PUM2: variants seen among roughly 807,000 people sequenced by gnomAD.
PUM2 encodes the protein pumilio RNA binding family member 2, also known as pumilio homolog 2.
A neutral mutation model predicts 124.5 loss-of-function variants in PUM2; 57 were observed. That is an observed-to-expected ratio of 0.46 (90% CI 0.37 to 0.57). The LOEUF is 0.57. Among genes scored for constraint, PUM2 ranks in the 20% least tolerant of loss-of-function variants. The probability of loss-of-function intolerance (pLI) is 0.00; values close to 1 mark genes in which losing one functional copy is unlikely to be tolerated. For missense variants in PUM2, 1,065 were observed against 1,290.6 expected (o/e 0.83, Z 2.68); for synonymous variants, 460 against 446.1 (o/e 1.03, Z -0.39).
intron 13 of PUM2, among the ~76,000 whole-genome samples, chr2:20,276,164 C>G (rs1409536930): frequency 1.3e-5 from 2 of 151,876 alleles, no homozygotes; most frequent in Non-Finnish European, 2.9e-5. Context: ...CAAAACTATG[C>G]ACTGAAATTC....
At position 20,255,240 on chromosome 2, in the gene PUM2, G is replaced by A. The variant is rs763894342; in HGVS notation, c.2724C>T (p.His908=). Reference sequence around the variant, plus strand: ...CCTGTACCAACTGCTCTGTATGTTGGTGGAGTTCTTCTAAGATAGGTAAGG... The same window carrying A: ...CCTGTACCAACTGCTCTGTATGTTGATGGAGTTCTTCTAAGATAGGTAAGG... The part of the protein sequence containing the change: ...EQTLPILEEL[H]QHTEQLVQDQ... Residue 908 remains histidine (H), a synonymous_variant, in exon 18 of 21, where the codon CAC becomes CAT. Transcript: ENST00000361078. 1.2e-6 allele frequency: 2 copies of A among 1,602,092 alleles called. No individual in the cohort carries two copies. The highest frequency in any genetic ancestry group is 1.7e-6 in the Non-Finnish European group (2 of 1,169,294).
intron 10 of PUM2, among the ~76,000 whole-genome samples, chr2:20,289,380 T>C (rs186879640): frequency 1.3e-5 from 2 of 152,298 alleles, no homozygotes; most frequent in African/African-American, 4.8e-5. Flanking sequence ...ATAGTCTCAG[T>C]GGCCCTCAAA....
chr2:20,307,159 T>C (rs950834198), intron 7 of PUM2, among the ~76,000 whole-genome samples: 1 of 152,012 alleles, frequency 6.6e-6, no homozygotes, highest in African/African-American at 2.4e-5. Context: ...GAGGCTGAAG[T>C]GAGCCGAGAT....
chr2:20,280,554 G>A (rs1347261863), intron 12 of PUM2, among the ~76,000 whole-genome samples: 1 of 152,112 alleles, frequency 6.6e-6, no homozygotes, highest in Non-Finnish European at 1.5e-5. Flanking sequence ...GCTCTAATAA[G>A]AGCAGCATTA....
chr2:20,322,585 T>C (rs1239827125), intron 2 of PUM2, among the ~76,000 whole-genome samples: 4 of 152,010 alleles, frequency 2.6e-5, no homozygotes, highest in Non-Finnish European at 5.9e-5. Flanking sequence ...GGCAGACTGC[T>C]TGAGCTCAGG....
chr2:20,327,059 T>C (rs1403562679), intron 2 of PUM2, among the ~76,000 whole-genome samples: 1 of 151,964 alleles, frequency 6.6e-6, no homozygotes, highest in African/African-American at 2.4e-5. Flanking sequence ...TACCAAAATA[T>C]AAGAAATTAT....
At chr2:20,336,244 T>C (rs921885850) in intron 1 of PUM2, among the ~76,000 whole-genome samples, 4 of 152,064 alleles carry the variant, frequency 2.6e-5, no homozygotes, top group African/African-American at 4.8e-5. Flanking sequence ...TGGAGTGCAG[T>C]GGCATTGATT....
chr2:20,317,438 C>G (rs897139468), intron 3 of PUM2, among the ~76,000 whole-genome samples: 2 of 152,244 alleles, frequency 1.3e-5, no homozygotes, highest in African/African-American at 2.4e-5. Context: ...TAAAGCTAGG[C>G]TGAGCTGCAA....
At position 20,350,618 on chromosome 2, in the gene PUM2, C is replaced by T; in HGVS notation, c.-40G>A. 1 of 985,474 alleles carries T rather than the reference C, an allele frequency of 1.0e-6. No homozygotes were observed. Among genetic ancestry groups the T allele is most frequent in the Non-Finnish European group, 1.2e-6 (1 of 829,996 alleles). The allele number at this position is 985,474 out of a possible 1,614,324, so 61.0% of individuals were successfully genotyped here. On this transcript the variant is annotated 5_prime_UTR_variant, in exon 1 of 21. Coordinates refer to ENST00000361078, the MANE Select transcript of PUM2 (RefSeq NM_015317.5). Reference sequence around the variant, plus strand: ...TTACAGGGCTGCTGCGGCCGCGCTGCCTCAGCCGGGGACACCGACCGTTGG... The same window carrying T: ...TTACAGGGCTGCTGCGGCCGCGCTGTCTCAGCCGGGGACACCGACCGTTGG...
chr2:20,303,435 G>GTTTTT (rs11444507), intron 7 of PUM2, among the ~76,000 whole-genome samples: 1 of 129,782 alleles, frequency 7.7e-6, no homozygotes, highest in Non-Finnish European at 1.6e-5. Context: ...AAGCTTTCAA[G>GTTTTT]TTTTTTTTTT....
At chr2:20,350,408 C>G in intron 1 of PUM2, 189 bp downstream of exon 1, 1 of 888,466 alleles carries the variant, frequency 1.1e-6, no homozygotes, top group Non-Finnish European at 1.3e-6. Flanking sequence ...CACGCGCACA[C>G]CCCCTTCCGG....
intron 1 of PUM2, among the ~76,000 whole-genome samples, chr2:20,332,304 T>C (rs1452141496): frequency 6.6e-6 from 1 of 151,596 alleles, no homozygotes; most frequent in Non-Finnish European, 1.5e-5. Context: ...TGTGTGTGTG[T>C]GTGTGTGTGT....
At position 20,311,582 on chromosome 2, in the gene PUM2, T is replaced by C. The variant is rs1363526463; in HGVS notation, c.430A>G (p.Arg144Gly). The C allele has an allele frequency of 1.2e-6, 2 of 1,613,572 alleles. No homozygotes were observed. The highest frequency in any genetic ancestry group is 1.1e-5 in the South Asian group (1 of 91,044). ...KASPFEEDQN[R>G]DLKQGDDDDS... is the part of the protein sequence containing the mutation. Reference sequence around the variant, plus strand: ...TCATCATCTCCTTGTTTAAGATCTCTGTTTTGGTCCTCCTCAAATGGAGAA... The same window carrying C: ...TCATCATCTCCTTGTTTAAGATCTCCGTTTTGGTCCTCCTCAAATGGAGAA... The change falls in exon 5 of 21, where the codon AGA (arginine) becomes GGA (glycine). Residue 144 changes from arginine to glycine, a missense_variant. Physicochemically the swap from Arg to Gly is moderately radical, Grantham distance 125. Coordinates refer to ENST00000361078, the MANE Select transcript of PUM2 (RefSeq NM_015317.5).
chr2:20,253,754 C>T, intron 20 of PUM2, 68 bp downstream of exon 20: 1 of 1,377,536 alleles, frequency 7.3e-7, no homozygotes, highest in Non-Finnish European at 9.8e-7. Flanking sequence ...AATGAAAGCC[C>T]AAGGAGGTTA....
intron 7 of PUM2, among the ~76,000 whole-genome samples, chr2:20,302,068 C>A (rs1677115170): frequency 6.6e-6 from 1 of 152,200 alleles, no homozygotes; most frequent in Non-Finnish European, 1.5e-5. Context: ...CTTCAACAGA[C>A]AAAAACATAA....
At position 20,308,317 on chromosome 2, in the gene PUM2, C is replaced by A; in HGVS notation, c.786G>T (p.Gln262His). 2 of 1,612,822 alleles carry A rather than the reference C, an allele frequency of 1.2e-6. No individual in the cohort carries two copies. Among genetic ancestry groups the A allele is most frequent in the South Asian group, 1.1e-5 (1 of 91,000 alleles). The change falls in exon 6 of 21, where the codon CAG becomes CAT. Residue 262 changes from glutamine (Q) to histidine (H), a missense_variant. Gln to His is a conservative substitution (Grantham distance 24). This residue lies in a region of PUM2 where 968 missense variants were observed against 1,159.8 expected (regional missense o/e 0.83). Coordinates refer to ENST00000361078, the MANE Select transcript of PUM2 (RefSeq NM_015317.5). Reference sequence around the variant, plus strand: ...TAAAGAAAGAACATGCTTTTACCTGCTGCTGGGAATTGTAGTCAAAAAGGC... The same window carrying A: ...TAAAGAAAGAACATGCTTTTACCTGATGCTGGGAATTGTAGTCAAAAAGGC... Reference protein sequence around the residue: ...TVGLFDYNSQQQLFQRTNALT... With the variant: ...TVGLFDYNSQHQLFQRTNALT...
intron 5 of PUM2, among the ~76,000 whole-genome samples, chr2:20,308,787 A>T (rs552356052): frequency 6.6e-6 from 1 of 152,180 alleles, no homozygotes; most frequent in African/African-American, 2.4e-5. Context: ...GATTTTAAAA[A>T]TATTATTAAT....
At chr2:20,318,749 G>GAAAA in intron 2 of PUM2, 104 bp from the exon 3 acceptor site, 3 of 696,124 alleles carry the variant, frequency 4.3e-6, no homozygotes, top group Non-Finnish European at 6.8e-6. Context: ...AGTTTTCAAT[G>GAAAA]CTAATGAAAA....
In PUM2 at chr2:20,290,673, C is replaced by G; in HGVS notation, c.1270G>C (p.Gly424Arg). The G allele has an allele frequency of 6.2e-7, 1 of 1,611,882 alleles. No homozygotes were observed. The highest frequency in any genetic ancestry group is 1.1e-5 in the South Asian group (1 of 90,596). The change falls in exon 10 of 21, where the codon GGT becomes CGT. Residue 424 changes from glycine (G) to arginine (R), a missense_variant. Transcript: ENST00000361078. ...AANPTLAFGQ[G>R]LATGMPGYQV... ...ATACCTGGCATGCCAGTAGCAAGACCCTGACCAAAAGCCAATGTTGGATTT... is the reference window on the plus strand; with the variant it reads ...ATACCTGGCATGCCAGTAGCAAGACGCTGACCAAAAGCCAATGTTGGATTT...
Sources: allele counts gnomAD v4.1 joint callset (sites outside exome capture counted in the v4.1 genomes callset), GRCh38; gene constraint gnomAD v4.1.1; regional missense constraint gnomAD v4.1.1; transcripts MANE v1.5; gene names NCBI Gene and HGNC (gene_info 2026-07-23, HGNC 2026-07-21).